HTR4: variants seen among roughly 807,000 people sequenced by gnomAD.
HTR4 encodes 5-hydroxytryptamine (serotonin) receptor 4, G protein-coupled.
HTR4 carries 16 observed loss-of-function variants against 36.8 expected under a neutral mutation model. That is an observed-to-expected ratio of 0.43 (90% CI 0.29 to 0.66). The LOEUF (loss-of-function observed/expected upper bound fraction) is 0.66. HTR4 is among the 30% of genes least tolerant of loss of function. The probability of loss-of-function intolerance (pLI) is 0.13; values close to 1 mark genes in which losing one functional copy is unlikely to be tolerated. For missense variants in HTR4, 438 were observed against 490.9 expected (o/e 0.89, Z 1.02); for synonymous variants, 189 against 185.1 (o/e 1.02, Z -0.17).
chr5:148,560,481 A>C (rs1481114481), intron 2 of HTR4, among the ~76,000 whole-genome samples: 1 of 152,206 alleles, frequency 6.6e-6, no homozygotes, highest in Non-Finnish European at 1.5e-5. Flanking sequence ...CCACTGACCT[A>C]GAACCTTACA....
At chr5:148,521,701 C>G (rs572804473) in intron 5 of HTR4, among the ~76,000 whole-genome samples, 5 of 152,056 alleles carry the variant, frequency 3.3e-5, no homozygotes, top group African/African-American at 1.2e-4. Context: ...ACACAGGGAT[C>G]GGAATAATGC....
intron 2 of HTR4, among the ~76,000 whole-genome samples, chr5:148,569,973 T>G (rs781187572): frequency 3.3e-5 from 5 of 152,122 alleles, no homozygotes; most frequent in Non-Finnish European, 7.4e-5. Context: ...GGAAAGACTT[T>G]TCCCTCACCT....
intron 4 of HTR4, among the ~76,000 whole-genome samples, chr5:148,544,245 ATCTC>A (rs771003656): frequency 6.8e-6 from 1 of 147,048 alleles, no homozygotes; most frequent in Admixed American, 6.8e-5. Context: ...TTCATTCTCA[ATCTC>A]TCTCTCTTTC....
At position 148,572,693 on chromosome 5, in the gene HTR4, C is replaced by T. The variant is rs904747004; in HGVS notation, c.27-22431G>A. ...TCCCAACAATTTCAGTTTAAAATAT[C>T]TCATTCTTAAACCATCATTTCCTGT... is the stretch of plus-strand genomic sequence containing the variant. On this transcript the variant is annotated intron_variant, in intron 2 of 6. Transcript: ENST00000377888. 2.6e-5 allele frequency among the ~76,000 whole-genome samples: 4 copies of T among 152,080 alleles called. No homozygotes were observed. The South Asian group carries it at 8.3e-4, about 31-fold the overall frequency.
intron 2 of HTR4, among the ~76,000 whole-genome samples, chr5:148,573,390 G>A (rs1561627505): frequency 6.6e-6 from 1 of 152,006 alleles, no homozygotes; most frequent in Non-Finnish European, 1.5e-5. Context: ...TGTGTGCATT[G>A]TCAGGAGGCT....
At chr5:148,611,024 A>G (rs1213940167) in intron 2 of HTR4, among the ~76,000 whole-genome samples, 1 of 149,980 alleles carries the variant, frequency 6.7e-6, no homozygotes, top group Non-Finnish European at 1.5e-5. Flanking sequence ...ATATGGGACT[A>G]TGTGAAAAGA....
At chr5:148,580,940 C>T (rs1299938634) in intron 2 of HTR4, among the ~76,000 whole-genome samples, 2 of 151,854 alleles carry the variant, frequency 1.3e-5, no homozygotes, top group Non-Finnish European at 2.9e-5. Context: ...TGAGGACCCT[C>T]CATACTGTTT....
In HTR4 at chr5:148,483,176, T is replaced by C; in HGVS notation, c.*27A>G. 6.2e-7 allele frequency: 1 copy of C among 1,613,892 alleles called. No homozygotes were observed. ...CCTGGCCCTCTTTCGGAGGCATGGC[T>C]GTCTTCTGGGTCATTGTCCCAGGGG... On this transcript the variant is annotated 3_prime_UTR_variant, in exon 7 of 7. Transcript: ENST00000377888.
intron 5 of HTR4, among the ~76,000 whole-genome samples, chr5:148,453,284 C>G (rs977431495): frequency 1.3e-5 from 2 of 152,174 alleles, no homozygotes; most frequent in Non-Finnish European, 2.9e-5. Flanking sequence ...TCAGTAGGGT[C>G]CCTATTCTAA....
In HTR4 at chr5:148,483,004, G is replaced by A. The variant is rs1032500678; in HGVS notation, c.*199C>T. 2 of 1,432,402 alleles carry A rather than the reference G, an allele frequency of 1.4e-6. No homozygotes were observed. Among genetic ancestry groups the A allele is most frequent in the Non-Finnish European group, 1.8e-6 (2 of 1,090,392 alleles). The allele number at this position is 1,432,402 out of a possible 1,614,324, so 88.7% of individuals were successfully genotyped here. A position where few individuals can be genotyped will look rare whatever the true frequency, so the allele number is the denominator to read the frequency against. ...TGGGAAATAAAAAGTGAACAAGGAG[G>A]CCATTATGTCCCCTGACTCCCTCCA... On this transcript the variant is annotated 3_prime_UTR_variant, in exon 7 of 7. Coordinates refer to ENST00000377888, the MANE Select transcript of HTR4 (RefSeq NM_000870.7).
chr5:148,586,981 G>A (rs752958443), intron 2 of HTR4, among the ~76,000 whole-genome samples: 5 of 152,136 alleles, frequency 3.3e-5, no homozygotes, highest in African/African-American at 7.2e-5. Flanking sequence ...GCCCTGGGCA[G>A]CACAGTGTTT....
At chr5:148,642,684 GA>G (rs1753765301) in intron 1 of HTR4, among the ~76,000 whole-genome samples, 1 of 151,990 alleles carries the variant, frequency 6.6e-6, no homozygotes, top group African/African-American at 2.4e-5. Flanking sequence ...CCTTCAGTAT[GA>G]AAAAAATTAT....
At chr5:148,631,996 G>T (rs1391029917) in intron 2 of HTR4, among the ~76,000 whole-genome samples, 2 of 151,938 alleles carry the variant, frequency 1.3e-5, no homozygotes, top group Non-Finnish European at 2.9e-5. Context: ...ATATTTAGTG[G>T]CTCCCTAGTA....
intron 6 of HTR4, among the ~76,000 whole-genome samples, chr5:148,491,525 G>A (rs1308383219): frequency 2.0e-5 from 3 of 152,078 alleles, no homozygotes; most frequent in African/African-American, 7.2e-5. Flanking sequence ...CTGGGGCCAG[G>A]AAATTCTTTG....
chr5:148,602,788 A>G (rs951122003), intron 2 of HTR4, among the ~76,000 whole-genome samples: 6 of 152,188 alleles, frequency 3.9e-5, no homozygotes, highest in Non-Finnish European at 7.4e-5. Context: ...ACAAGTTATC[A>G]GTATCTGGAA....
At chr5:148,452,700 G>A (rs564697477) in intron 5 of HTR4, among the ~76,000 whole-genome samples, 14 of 152,282 alleles carry the variant, frequency 9.2e-5, no homozygotes, top group South Asian at 4.1e-4. Context: ...TCACAGAACC[G>A]TCCACCGCAG....
At chr5:148,523,421 G>C in intron 4 of HTR4, 75 bp from the exon 5 acceptor site, 1 of 1,255,386 alleles carries the variant, frequency 8.0e-7, no homozygotes, top group Non-Finnish European at 1.1e-6. Flanking sequence ...GAATATATGA[G>C]AGAGAAAAGG....
chr5:148,604,717 G>C (rs117328246), intron 2 of HTR4, among the ~76,000 whole-genome samples: 3 of 152,150 alleles, frequency 2.0e-5, no homozygotes, highest in African/African-American at 7.2e-5. Context: ...AAATCTCAAA[G>C]ATATAATGAT....
intron 5 of HTR4, among the ~76,000 whole-genome samples, chr5:148,519,631 G>A (rs567392715): frequency 6.6e-6 from 1 of 152,294 alleles, no homozygotes; most frequent in East Asian, 1.9e-4. Flanking sequence ...TACTTGAGTT[G>A]CTTTCACAGT....
Sources: allele counts gnomAD v4.1 joint callset (sites outside exome capture counted in the v4.1 genomes callset), GRCh38; gene constraint gnomAD v4.1.1; transcripts MANE v1.5; gene names NCBI Gene and HGNC (gene_info 2026-07-23, HGNC 2026-07-21).